LAMA1: variants seen among roughly 807,000 people sequenced by gnomAD.
LAMA1 encodes the protein laminin subunit alpha 1.
Under a neutral mutation model 348.7 loss-of-function variants are expected in LAMA1, and 219 were observed. That is an observed-to-expected ratio of 0.63 (90% CI 0.56 to 0.70). The LOEUF (loss-of-function observed/expected upper bound fraction) is 0.70. Ranked by LOEUF, LAMA1 falls within the 30% of genes least tolerant of loss-of-function variation. The pLI, the probability that LAMA1 is intolerant of heterozygous loss-of-function variation, is 0.00. For missense variants in LAMA1, 3,744 were observed against 3,888.0 expected, an observed-to-expected ratio of 0.96 and a Z score of 0.99; for synonymous variants, 1,487 against 1,491.0, an observed-to-expected ratio of 1.00 and a Z score of 0.06.
chr18:7,013,965 G>C lies in LAMA1; in HGVS notation c.3213C>G (p.Gly1071=). 6.2e-7 allele frequency: 1 copy of C among 1,613,864 alleles called. No individual in the cohort carries two copies. The highest frequency in any genetic ancestry group is 8.5e-7 in the Non-Finnish European group (1 of 1,179,874). Residue 1071 remains glycine (G), a synonymous_variant, in exon 23 of 63, where the codon GGC becomes GGG. Coordinates refer to ENST00000389658, the MANE Select transcript of LAMA1 (RefSeq NM_005559.4). The part of the protein sequence containing the change: ...GHCQCKSKFG[G]RACDQCSLGY... ...CCAAGGAACACTGATCGCAGGCCCG[G>C]CCACCAAATTTTGACTTGCACTGGC...
chr18:7,015,192 A>G, intron 22 of LAMA1, among the ~76,000 whole-genome samples: 1 of 152,134 alleles, frequency 6.6e-6, no homozygotes. Context: ...TAGGTTCTTG[A>G]AGAAAACCTA....
chr18:7,111,096 C>T (rs1394168145), intron 1 of LAMA1, among the ~76,000 whole-genome samples: 1 of 152,110 alleles, frequency 6.6e-6, no homozygotes, highest in Non-Finnish European at 1.5e-5. Context: ...TTTGACATTC[C>T]CACCAGCAAT....
intron 3 of LAMA1, among the ~76,000 whole-genome samples, chr18:7,055,018 A>G (rs1401384212): frequency 6.6e-6 from 1 of 152,134 alleles, no homozygotes; most frequent in Non-Finnish European, 1.5e-5. Context: ...GGCTATTAGT[A>G]GTTAAGTCTT....
At chr18:7,031,700 T>TAAATAAATAAATAAATAA in intron 16 of LAMA1, among the ~76,000 whole-genome samples, 2 of 151,726 alleles carry the variant, frequency 1.3e-5, no homozygotes, top group African/African-American at 4.8e-5. Context: ...AATAAATAAA[T>TAAATAAATAAATAAATAA]ATTAGCACTG....
chr18:6,970,355 T>G (rs1001990190), intron 48 of LAMA1, among the ~76,000 whole-genome samples: 4 of 152,218 alleles, frequency 2.6e-5, no homozygotes, highest in Admixed American at 2.6e-4. Context: ...TGAAGACTGG[T>G]AAAGTGTTTC....
intron 3 of LAMA1, among the ~76,000 whole-genome samples, chr18:7,062,808 T>C (rs918421817): frequency 6.6e-6 from 1 of 152,144 alleles, no homozygotes; most frequent in African/African-American, 2.4e-5. Flanking sequence ...CCAGAGAATA[T>C]CTGGCTAAAA....
intron 1 of LAMA1, among the ~76,000 whole-genome samples, chr18:7,095,346 G>T (rs1241572345): frequency 6.6e-6 from 1 of 152,134 alleles, no homozygotes; most frequent in Non-Finnish European, 1.5e-5. Context: ...TGCGAGCCTT[G>T]TTTAATGTAT....
intron 44 of LAMA1, among the ~76,000 whole-genome samples, chr18:6,976,387 T>C (rs1367614244): frequency 2.0e-5 from 3 of 152,192 alleles, no homozygotes; most frequent in Non-Finnish European, 4.4e-5. Context: ...TCTTTCCGCC[T>C]GACACAAAGA....
chr18:7,085,274 A>T (rs11660347), intron 1 of LAMA1, among the ~76,000 whole-genome samples: 9,343 of 152,106 alleles, frequency 0.061, 379 homozygotes, highest in South Asian at 0.13. Context: ...CTACTTATTC[A>T]ATCCATGGAG....
chr18:6,955,911 CCTAGGTCCACA>C (rs1269493325), intron 56 of LAMA1: 1 of 340,302 alleles, frequency 2.9e-6, no homozygotes, highest in African/African-American at 2.1e-5. Flanking sequence ...AGAGTGTGAA[CCTAGGTCCACA>C]CTGACAGGGC....
intron 32 of LAMA1, 68 bp downstream of exon 32, chr18:6,999,377 C>CG: frequency 6.6e-7 from 1 of 1,504,516 alleles, no homozygotes. Flanking sequence ...AGCGTGCCGT[C>CG]ACCACTTCTT....
chr18:7,023,015 T>C, intron 19 of LAMA1, 149 bp downstream of exon 19: 2 of 838,060 alleles, frequency 2.4e-6, no homozygotes, highest in South Asian at 1.7e-5. Flanking sequence ...CGTGGGTCTG[T>C]ATTTGATCAG....
intron 1 of LAMA1, among the ~76,000 whole-genome samples, chr18:7,094,014 C>A (rs914384697): frequency 3.3e-5 from 5 of 151,954 alleles, no homozygotes; most frequent in Non-Finnish European, 7.4e-5. Context: ...TAAGCTCAGG[C>A]AGTCTGCTCA....
chr18:7,029,490 G>C (rs1168452540), intron 16 of LAMA1, among the ~76,000 whole-genome samples: 1 of 152,120 alleles, frequency 6.6e-6, no homozygotes, highest in Non-Finnish European at 1.5e-5. Context: ...TGTTTTCTTT[G>C]ATCAAGGAGT....
rs150637419 is a variant in LAMA1 at position 7,049,080 on chromosome 18, G to A, written c.766C>T (p.Arg256Cys). The A allele has an allele frequency of 5.6e-6, 9 of 1,613,412 alleles. No individual in the cohort carries two copies. The highest frequency in any genetic ancestry group is 2.2e-5 in the East Asian group (1 of 44,876). The change falls in exon 5 of 63, where the codon CGC becomes TGC. Residue 256 changes from arginine to cysteine, a missense_variant and splice_region_variant. Transcript: ENST00000389658. ...CAGGACTGCCGTCCCATACTCACGC[G>A]TCTGGTAACAATAGGATCCAGTTCT... ...PKELDPIVTRRYYYSIKDISV... is the reference protein window; with the variant it reads ...PKELDPIVTRCYYYSIKDISV...
intron 36 of LAMA1, among the ~76,000 whole-genome samples, chr18:6,989,804 G>C (rs539325647): frequency 1.3e-5 from 2 of 152,240 alleles, no homozygotes; most frequent in East Asian, 3.9e-4. Context: ...CCCAGGGCTG[G>C]GCTCCACTCC....
At chr18:6,952,729 T>C (rs2057552537) in intron 57 of LAMA1, among the ~76,000 whole-genome samples, 2 of 152,106 alleles carry the variant, frequency 1.3e-5, no homozygotes, top group African/African-American at 4.8e-5. Context: ...AGAAAGTGAA[T>C]CCTGTCTGTG....
intron 57 of LAMA1, among the ~76,000 whole-genome samples, chr18:6,952,974 T>A (rs2057555046): frequency 6.8e-6 from 1 of 146,986 alleles, no homozygotes; most frequent in African/African-American, 2.6e-5. Context: ...TCTGCCTGTG[T>A]CCGGCGGATC....
In LAMA1 at chr18:7,007,219, G is replaced by A. The variant is rs377516549; in HGVS notation, c.4180C>T (p.Arg1394Cys). Residue 1394 changes from arginine (R) to cysteine (C), a missense_variant, in exon 29 of 63, where the codon CGC becomes TGC. Transcript: ENST00000389658. ...KLPAGSDRGP[R>C]PLVAPCVPCS... The stretch of plus-strand genomic sequence containing the variant: ...GGAACACAAGGAGCAACCAGAGGGC[G>A]TGGTCCCCTGTCACTCCCTGCTGGG... 1.9e-5 allele frequency: 30 copies of A among 1,614,014 alleles called. No homozygotes were observed. Among genetic ancestry groups the A allele is most frequent in the South Asian group, 1.1e-4 (10 of 91,092 alleles).
Sources: allele counts gnomAD v4.1 joint callset (sites outside exome capture counted in the v4.1 genomes callset), GRCh38; gene constraint gnomAD v4.1.1; transcripts MANE v1.5; gene names NCBI Gene and HGNC (gene_info 2026-07-23, HGNC 2026-07-21).